SOHLH2: variants seen among roughly 807,000 people sequenced by gnomAD.
The protein encoded by SOHLH2 is spermatogenesis and oogenesis specific basic helix-loop-helix 2.
Under a neutral mutation model 50.4 loss-of-function variants are expected in SOHLH2, and 22 were observed. The observed-to-expected ratio is 0.44, with a 90% CI of 0.31 to 0.62. The LOEUF is 0.62. Ranked by LOEUF, SOHLH2 falls within the 20% of genes least tolerant of loss-of-function variation. The pLI, the probability that SOHLH2 is intolerant of heterozygous loss-of-function variation, is 0.08. For synonymous variants in SOHLH2, 185 were observed against 187.3 expected, an observed-to-expected ratio of 0.99 and a Z score of 0.10; for missense variants, 412 against 504.4, an observed-to-expected ratio of 0.82 and a Z score of 1.76.
intron 6 of SOHLH2, among the ~76,000 whole-genome samples, chr13:36,179,345 A>AT (rs1323281397): frequency 1.3e-5 from 2 of 152,074 alleles, no homozygotes; most frequent in African/African-American, 2.4e-5. Flanking sequence ...ATTGTCAAAT[A>AT]TTTTTTCAGA....
intron 6 of SOHLH2, 129 bp downstream of exon 6, chr13:36,189,817 T>TG (rs1887523352): frequency 1.2e-6 from 1 of 834,944 alleles, no homozygotes; most frequent in Admixed American, 3.2e-5. Context: ...AATGAGTGAG[T>TG]GGCATCTATT....
chr13:36,193,110 TTAATA>T (rs776446256), intron 4 of SOHLH2, among the ~76,000 whole-genome samples: 2 of 152,214 alleles, frequency 1.3e-5, no homozygotes, highest in Non-Finnish European at 2.9e-5. Flanking sequence ...GGTGATATGC[TTAATA>T]TAATAGGCAA....
At chr13:36,198,747 A>G (rs1473877124) in intron 2 of SOHLH2, among the ~76,000 whole-genome samples, 2 of 152,228 alleles carry the variant, frequency 1.3e-5, no homozygotes, top group Non-Finnish European at 2.9e-5. Flanking sequence ...AATAAATCTA[A>G]TATTATAGCT....
In SOHLH2 at chr13:36,170,592, A is replaced by C; in HGVS notation, c.1196T>G (p.Leu399Arg). The change falls in exon 10 of 11, where the codon CTT becomes CGT. Residue 399 changes from leucine to arginine, a missense_variant. Leu to Arg is a moderately radical substitution (Grantham distance 102). Coordinates refer to ENST00000379881, the MANE Select transcript of SOHLH2 (RefSeq NM_017826.3). ...CCCAGAAGTGCAGTGCCGAGGGAGA[A>C]GCTTTGAGACCGGGGGCATGGCTGA... ...LPSAMPPVSK[L>R]LPRHCTSGLG... 6.2e-7 allele frequency: 1 copy of C among 1,614,204 alleles called. No homozygotes were observed. The highest frequency in any genetic ancestry group is 8.5e-7 in the Non-Finnish European group (1 of 1,180,024).
chr13:36,191,723 C>T, intron 5 of SOHLH2, 72 bp downstream of exon 5: 2 of 1,588,490 alleles, frequency 1.3e-6, no homozygotes, highest in Non-Finnish European at 1.7e-6. Flanking sequence ...CTGCACCCCT[C>T]TTCCACAAAA....
At chr13:36,178,052 A>T (rs576054416) in intron 6 of SOHLH2, among the ~76,000 whole-genome samples, 9 of 151,818 alleles carry the variant, frequency 5.9e-5, no homozygotes, top group Admixed American at 2.0e-4. Flanking sequence ...TAGTCAATAG[A>T]CGTGAGTCTA....
At chr13:36,202,355 G>A (rs1043288626) in intron 1 of SOHLH2, among the ~76,000 whole-genome samples, 2 of 152,148 alleles carry the variant, frequency 1.3e-5, no homozygotes, top group African/African-American at 4.8e-5. Context: ...TTCTACTTCA[G>A]TTTTTCTGCA....
chr13:36,189,231 C>T (rs1268905492), intron 6 of SOHLH2, among the ~76,000 whole-genome samples: 1 of 152,130 alleles, frequency 6.6e-6, no homozygotes, highest in African/African-American at 2.4e-5. Flanking sequence ...TGTGTTACAT[C>T]CTATTAGAGT....
At chr13:36,183,061 G>C (rs1887303281) in intron 6 of SOHLH2, 1 of 232,192 alleles carries the variant, frequency 4.3e-6, no homozygotes, top group African/African-American at 2.2e-5. Context: ...GTTTAAAAGA[G>C]TTTGGGGCCT....
chr13:36,206,220 G>T (rs981562481), intron 1 of SOHLH2, among the ~76,000 whole-genome samples: 4 of 151,902 alleles, frequency 2.6e-5, no homozygotes, highest in African/African-American at 9.7e-5. Flanking sequence ...TCCTCATGTG[G>T]TAAGTGTGGA....
chr13:36,185,238 G>C (rs950818568), intron 6 of SOHLH2, among the ~76,000 whole-genome samples: 3 of 152,134 alleles, frequency 2.0e-5, no homozygotes, highest in Admixed American at 6.5e-5. Context: ...GGAGGCCGAG[G>C]TGGGCGGATC....
At chr13:36,190,104 G>A (rs531874748) in intron 5 of SOHLH2, 48 bp from the exon 6 acceptor site, 23 of 1,546,550 alleles carry the variant, frequency 1.5e-5, no homozygotes, top group South Asian at 9.8e-5. Context: ...GAAAATTGTC[G>A]GGCAAAATTA....
At chr13:36,178,734 A>C (rs1328381061) in intron 6 of SOHLH2, among the ~76,000 whole-genome samples, 3 of 152,064 alleles carry the variant, frequency 2.0e-5, no homozygotes, top group South Asian at 2.1e-4. Flanking sequence ...TGAGTCTTTC[A>C]ATTCATAATT....
At chr13:36,170,460 A>G in intron 10 of SOHLH2, 71 bp downstream of exon 10, 1 of 1,534,434 alleles carries the variant, frequency 6.5e-7, no homozygotes, top group East Asian at 2.3e-5. Context: ...GCAACAACAA[A>G]TGCAGGTCAG....
chr13:36,205,505 A>G, intron 1 of SOHLH2, among the ~76,000 whole-genome samples: 1 of 152,060 alleles, frequency 6.6e-6, no homozygotes, highest in East Asian at 1.9e-4. Context: ...TCAGTATAAC[A>G]TGATTTTTTT....
chr13:36,173,218 T>C (rs115829215), intron 9 of SOHLH2, among the ~76,000 whole-genome samples: 3,174 of 152,282 alleles, frequency 0.021, 92 homozygotes, highest in African/African-American at 0.072. Flanking sequence ...TAATGGAAGA[T>C]AGGCAACAAA....
rs3080977 is a variant in SOHLH2 at position 36,203,954 on chromosome 13, G to GT, written c.49-1862dup. On this transcript the variant is annotated intron_variant, in intron 1 of 10. Transcript: ENST00000379881. ...ACTCTGCCTTTAATTCTTTTTTTTT[G>GT]TTTTTTTTTTTTTTTTTGAGGAGTC... is the stretch of plus-strand genomic sequence containing the variant. 2.8e-3 allele frequency among the ~76,000 whole-genome samples: 315 copies of GT among 111,092 alleles called. 1 individual carries two copies. The highest frequency in any genetic ancestry group is 5.2e-3 in the Admixed American group (51 of 9,842). The allele number at this position is 111,092 out of a possible 152,430, so 72.9% of individuals were successfully genotyped here. A position where few individuals can be genotyped will look rare whatever the true frequency, so the allele number is the denominator to read the frequency against.
chr13:36,214,413 A>C (rs944592024), intron 1 of SOHLH2, 66 bp downstream of exon 1: 2 of 1,563,568 alleles, frequency 1.3e-6, no homozygotes, highest in Non-Finnish European at 1.7e-6. Flanking sequence ...GGCCGAGGGG[A>C]CCACCGACCT....
In SOHLH2 at chr13:36,184,296, A is replaced by G. The variant is rs1887340071; in HGVS notation, c.641+5650T>C. Among the ~76,000 whole-genome samples the G allele has an allele frequency of 2.6e-5, 4 of 152,144 alleles. No individual in the cohort carries two copies. The South Asian group carries it at 8.3e-4, about 32-fold the overall frequency. On this transcript the variant is annotated intron_variant, in intron 6 of 10. Transcript: ENST00000379881. The stretch of plus-strand genomic sequence containing the variant: ...AAAATCACAAGGGATATGAGAAAAT[A>G]TTTTGAACTGAATGATAGTGGAAAT...
Sources: gnomAD v4.1 joint callset for allele counts (sites outside exome capture counted in the v4.1 genomes callset) on GRCh38, gnomAD v4.1.1 for gene constraint, MANE v1.5 for transcripts, NCBI Gene and HGNC (gene_info 2026-07-23, HGNC 2026-07-21) for gene names.